Variants in GRID2 observed in about 807,000 individuals in gnomAD.
GRID2 encodes the protein glutamate ionotropic receptor delta type subunit 2, also known as glutamate receptor ionotropic, delta-2.
GRID2 carries 33 observed loss-of-function variants against 114.8 expected under a neutral mutation model. That is an observed-to-expected ratio of 0.29 (90% CI 0.22 to 0.38). The LOEUF is 0.38. Among genes scored for constraint, GRID2 ranks in the 10% least tolerant of loss-of-function variants. The pLI, the probability that GRID2 is intolerant of heterozygous loss-of-function variation, is 1.00. For synonymous variants in GRID2, 505 were observed against 449.9 expected, an observed-to-expected ratio of 1.12 and a Z score of -1.55; for missense variants, 1,184 against 1,257.7, an observed-to-expected ratio of 0.94 and a Z score of 0.89.
chr4:93,538,299 A>G (rs1406924919), intron 13 of GRID2, among the ~76,000 whole-genome samples: 1 of 151,738 alleles, frequency 6.6e-6, no homozygotes, highest in Non-Finnish European at 1.5e-5. Context: ...ACACTTTCTC[A>G]TGGCCAGAAC....
At chr4:92,822,318 A>T (rs1419442257) in intron 2 of GRID2, 1 of 618,798 alleles carries the variant, frequency 1.6e-6, no homozygotes, top group East Asian at 4.2e-5. Flanking sequence ...GCACAGAGGG[A>T]TCCATCTGGA....
rs367811012 is a variant in GRID2, at chr4:93,649,587, A to G, written c.2360+23152A>G. 9.2e-5 allele frequency among the ~76,000 whole-genome samples: 14 copies of G among 152,238 alleles called. No individual in the cohort carries two copies. In the South Asian group the frequency reaches 2.9e-3, roughly 32 times the overall value. Reference sequence around the variant, plus strand: ...TATTTTCTCCCTGCATCACACCATAAAGTCTATAGGTCTCTTGATAACTTA... The same window carrying G: ...TATTTTCTCCCTGCATCACACCATAGAGTCTATAGGTCTCTTGATAACTTA... On this transcript the variant is annotated intron_variant, in intron 14 of 15. Transcript: ENST00000282020.
intron 2 of GRID2, among the ~76,000 whole-genome samples, chr4:92,958,938 A>G (rs1752607282): frequency 6.6e-6 from 1 of 151,874 alleles, no homozygotes; most frequent in Admixed American, 6.6e-5. Context: ...CAACTAGGTT[A>G]TCAAATTTGT....
chr4:92,665,359 A>G (rs1361866747), intron 2 of GRID2, among the ~76,000 whole-genome samples: 1 of 150,940 alleles, frequency 6.6e-6, no homozygotes, highest in Non-Finnish European at 1.5e-5. Flanking sequence ...CTGTTGATGT[A>G]ACAAAAACAC....
intron 2 of GRID2, among the ~76,000 whole-genome samples, chr4:92,914,204 T>C (rs750024057): frequency 1.3e-5 from 2 of 152,154 alleles, no homozygotes; most frequent in Non-Finnish European, 2.9e-5. Flanking sequence ...AATGTAAACA[T>C]ATTTTCCCCA....
chr4:93,459,156 G>C (rs1025089517), intron 11 of GRID2, among the ~76,000 whole-genome samples: 32 of 128,040 alleles, frequency 2.5e-4, no homozygotes, highest in African/African-American at 9.2e-4. Flanking sequence ...CTCCAGCCGG[G>C]ATGACAAGAG....
At chr4:93,467,769 A>T (rs1240395435) in intron 11 of GRID2, among the ~76,000 whole-genome samples, 1 of 152,212 alleles carries the variant, frequency 6.6e-6, no homozygotes, top group Non-Finnish European at 1.5e-5. Flanking sequence ...TTCTCTTGAC[A>T]TATAGCTAGC....
At chr4:92,373,433 C>A (rs1579257140) in intron 1 of GRID2, among the ~76,000 whole-genome samples, 1 of 152,202 alleles carries the variant, frequency 6.6e-6, no homozygotes, top group African/African-American at 2.4e-5. Flanking sequence ...GCTGTGTCAG[C>A]CCAACTTCTA....
intron 1 of GRID2, among the ~76,000 whole-genome samples, chr4:92,356,726 A>C (rs188329043): frequency 5.6e-4 from 85 of 151,884 alleles, no homozygotes; most frequent in African/African-American, 1.9e-3. Context: ...TGTGTCTACT[A>C]TGCTTTTCAT....
chr4:93,397,609 A>G lies in GRID2; in HGVS notation c.1347+1901A>G, dbSNP rs1765459330. Among the ~76,000 whole-genome samples the G allele has an allele frequency of 4.6e-5, 7 of 151,982 alleles. No homozygotes were observed. In the Admixed American group the frequency reaches 4.6e-4, roughly 10 times the overall value. ...TACAGACCTTGTCCTCAAAGTATTC[A>G]TAGAATCTTGTTAGGTTGATGCACA... On this transcript the variant is annotated intron_variant, in intron 9 of 15. Coordinates refer to ENST00000282020, the MANE Select transcript of GRID2 (RefSeq NM_001510.4).
intron 2 of GRID2, among the ~76,000 whole-genome samples, chr4:93,012,687 T>C (rs1722299468): frequency 6.6e-6 from 1 of 151,130 alleles, no homozygotes; most frequent in South Asian, 2.1e-4. Context: ...AAAAAAAACC[T>C]GTGCTATTAA....
At chr4:92,731,208 T>C (rs1177155488) in intron 2 of GRID2, among the ~76,000 whole-genome samples, 3 of 151,424 alleles carry the variant, frequency 2.0e-5, no homozygotes, top group Admixed American at 6.6e-5. Flanking sequence ...ACTTAGACTC[T>C]AGCTAATTTT....
intron 2 of GRID2, among the ~76,000 whole-genome samples, chr4:93,020,509 G>T (rs2149244781): frequency 6.6e-6 from 1 of 151,992 alleles, no homozygotes; most frequent in Non-Finnish European, 1.5e-5. Context: ...ACCAATAAAT[G>T]GTAAAAAAAC....
chr4:92,544,131 A>T (rs1393026348), intron 1 of GRID2, among the ~76,000 whole-genome samples: 1 of 152,144 alleles, frequency 6.6e-6, no homozygotes, highest in Non-Finnish European at 1.5e-5. Flanking sequence ...AATATCTGCA[A>T]TTCTTGGAGG....
At chr4:92,539,439 TATA>T (rs1163424129) in intron 1 of GRID2, among the ~76,000 whole-genome samples, 4 of 152,170 alleles carry the variant, frequency 2.6e-5, no homozygotes, top group Non-Finnish European at 5.9e-5. Context: ...TAATTTTTCT[TATA>T]ATATTAATCT....
intron 8 of GRID2, among the ~76,000 whole-genome samples, chr4:93,313,904 T>G (rs539001698): frequency 6.6e-6 from 1 of 152,250 alleles, no homozygotes; most frequent in South Asian, 2.1e-4. Flanking sequence ...TTGTGCAAAA[T>G]CAGCCCTACA....
intron 11 of GRID2, among the ~76,000 whole-genome samples, chr4:93,473,967 C>A (rs1725080023): frequency 6.6e-6 from 1 of 151,848 alleles, no homozygotes; most frequent in South Asian, 2.1e-4. Context: ...AAAAGGAAAG[C>A]AAAAATATAA....
intron 2 of GRID2, among the ~76,000 whole-genome samples, chr4:92,751,614 A>G (rs953974791): frequency 1.3e-5 from 2 of 152,224 alleles, no homozygotes; most frequent in African/African-American, 4.8e-5. Flanking sequence ...TATATGTGCT[A>G]TAACTCAGTT....
intron 1 of GRID2, among the ~76,000 whole-genome samples, chr4:92,499,798 A>G (rs1311854674): frequency 6.6e-6 from 1 of 152,094 alleles, no homozygotes; most frequent in Non-Finnish European, 1.5e-5. Context: ...TATATTTAGT[A>G]GACACAGGGT....
Sources: allele counts gnomAD v4.1 joint callset (sites outside exome capture counted in the v4.1 genomes callset), GRCh38; gene constraint gnomAD v4.1.1; transcripts MANE v1.5; gene names NCBI Gene and HGNC (gene_info 2026-07-23, HGNC 2026-07-21).